The following NLGN4X variants were observed in gnomAD, a reference collection of about 807,000 sequenced individuals.
NLGN4X encodes neuroligin-4, X-linked.
Under a neutral mutation model 40.3 loss-of-function variants are expected in NLGN4X, and 3 were observed. The observed-to-expected ratio is 0.07, with a 90% confidence interval of 0.03 to 0.19. The LOEUF (loss-of-function observed/expected upper bound fraction) is 0.19, where lower values mean the gene tolerates loss of function less well. Ranked by LOEUF, NLGN4X falls within the 10% of genes least tolerant of loss-of-function variation. The probability of loss-of-function intolerance (pLI) is 1.00; values close to 1 mark genes in which losing one functional copy is unlikely to be tolerated. For synonymous variants in NLGN4X, 270 were observed against 306.8 expected (o/e 0.88, Z 1.25); for missense variants, 382 against 708.3 (o/e 0.54, Z 5.23).
At chrX:6,028,881 C>T (rs1330904540) in intron 3 of NLGN4X, among the ~76,000 whole-genome samples, 10 of 111,634 alleles carry the variant, frequency 9.0e-5, no homozygotes, top group African/African-American at 2.9e-4. Context: ...ATCTTTTCCT[C>T]CACACAATAT....
intron 2 of NLGN4X, among the ~76,000 whole-genome samples, chrX:6,107,823 T>G (rs904415767): frequency 8.9e-6 from 1 of 112,148 alleles, no homozygotes; most frequent in Admixed American, 9.5e-5. Context: ...TGTTTTTGAG[T>G]TATTTCACCT....
intron 1 of NLGN4X, among the ~76,000 whole-genome samples, chrX:6,166,759 T>G (rs140149298): frequency 2.2e-3 from 244 of 111,152 alleles, no homozygotes; most frequent in African/African-American, 7.7e-3. Flanking sequence ...TTGGAAGACC[T>G]GCCCTGAGCA....
chrX:5,962,254 A>C (rs2034685852), intron 3 of NLGN4X, among the ~76,000 whole-genome samples: 1 of 112,301 alleles, frequency 8.9e-6, no homozygotes, highest in African/African-American at 3.2e-5. Flanking sequence ...CTGCAGTCTC[A>C]AAACATACTC....
intron 2 of NLGN4X, among the ~76,000 whole-genome samples, chrX:6,114,561 A>C (rs867380972): frequency 1.2e-3 from 117 of 99,215 alleles, no homozygotes; most frequent in African/African-American, 4.1e-3. Context: ...CACACACACA[A>C]ACATGCACAC....
At chrX:6,049,945 T>C (rs1299738745) in intron 2 of NLGN4X, among the ~76,000 whole-genome samples, 1 of 111,195 alleles carries the variant, frequency 9.0e-6, no homozygotes, top group East Asian at 2.8e-4. Context: ...GCTCAGAAAA[T>C]ACTCATGTGC....
At chrX:6,169,140 T>C (rs762690317) in intron 1 of NLGN4X, among the ~76,000 whole-genome samples, 1 of 111,740 alleles carries the variant, frequency 8.9e-6, no homozygotes, top group East Asian at 2.8e-4. Flanking sequence ...AGGGAGCCAG[T>C]AAGTCCTACT....
At chrX:6,218,801 T>C (rs1925333638) in intron 1 of NLGN4X, among the ~76,000 whole-genome samples, 1 of 111,771 alleles carries the variant, frequency 8.9e-6, no homozygotes, top group Non-Finnish European at 1.9e-5. Flanking sequence ...TTGTGGTTAA[T>C]TTGGTTAAAA....
intron 2 of NLGN4X, among the ~76,000 whole-genome samples, chrX:6,101,726 T>C (rs959388758): frequency 9.0e-6 from 1 of 110,596 alleles, no homozygotes; most frequent in Admixed American, 9.7e-5. Context: ...ACAAAAATTA[T>C]AGTCAGAAAG....
chrX:6,163,084 TCCGCCATGTAAG>T (rs1436574043), intron 1 of NLGN4X, among the ~76,000 whole-genome samples: 1 of 111,730 alleles, frequency 9.0e-6, no homozygotes, highest in Non-Finnish European at 1.9e-5. Flanking sequence ...CTTTTTGCCT[TCCGCCATGTAAG>T]ACATGCCTTT....
intron 1 of NLGN4X, among the ~76,000 whole-genome samples, chrX:6,181,885 G>T (rs181369723): frequency 1.8e-5 from 2 of 111,856 alleles, no homozygotes. Flanking sequence ...GGGAAGTAAG[G>T]CATTGAAATT....
At chrX:6,168,237 A>G (rs1234552014) in intron 1 of NLGN4X, among the ~76,000 whole-genome samples, 2 of 111,881 alleles carry the variant, frequency 1.8e-5, no homozygotes, top group Non-Finnish European at 3.8e-5. Flanking sequence ...AGAGGGTGTG[A>G]CTGTCCACAT....
chrX:6,013,989 T>C (rs1271366175), intron 3 of NLGN4X, among the ~76,000 whole-genome samples: 1 of 110,492 alleles, frequency 9.1e-6, no homozygotes, highest in Non-Finnish European at 1.9e-5. Flanking sequence ...AACACCATCC[T>C]GGCCAACATG....
At chrX:6,075,706 C>A (rs905119176) in intron 2 of NLGN4X, among the ~76,000 whole-genome samples, 2 of 111,025 alleles carry the variant, frequency 1.8e-5, no homozygotes, top group Non-Finnish European at 3.8e-5. Context: ...CTCCTTCCCC[C>A]CATTCTCTTG....
At position 6,150,992 on chromosome X, in the gene NLGN4X, C is replaced by T; in HGVS notation, c.472+3G>A. The stretch of plus-strand genomic sequence containing the variant: ...TTGTTTTCTGTTCCAGTGAGGTACT[C>T]ACCATCTTCCGTGGGCACGTAGATG... On this transcript the variant is annotated splice_donor_region_variant and intron_variant, in intron 2 of 5. Coordinates refer to ENST00000381095, the MANE Select transcript of NLGN4X (RefSeq NM_181332.3). 1 of 1,199,586 alleles carries T rather than the reference C, an allele frequency of 8.3e-7. No individual in the cohort carries two copies. Among genetic ancestry groups the T allele is most frequent in the Non-Finnish European group, 1.1e-6 (1 of 883,975 alleles).
At chrX:5,992,610 A>T (rs2035712619) in intron 3 of NLGN4X, among the ~76,000 whole-genome samples, 1 of 111,419 alleles carries the variant, frequency 9.0e-6, no homozygotes, top group African/African-American at 3.3e-5. Context: ...TTAGAAAAAT[A>T]AAAAAGAAAA....
chrX:6,037,909 T>C (rs767471103), intron 2 of NLGN4X, among the ~76,000 whole-genome samples: 118 of 111,859 alleles, frequency 1.1e-3, no homozygotes, highest in African/African-American at 3.5e-3. Context: ...GTGACTGGTA[T>C]GTCCTCACAG....
chrX:6,034,716 T>G (rs1289406760), intron 2 of NLGN4X, among the ~76,000 whole-genome samples: 5 of 2,169 alleles, frequency 2.3e-3, no homozygotes, highest in African/African-American at 4.3e-3. Flanking sequence ...TCATAGGTTT[T>G]TTTTTTTTTT....
In NLGN4X at chrX:6,125,073, ACAGT is replaced by A. The variant is rs766969687; in HGVS notation, c.472+25918_472+25921del. 4.4e-5 allele frequency among the ~76,000 whole-genome samples: 5 copies of A among 112,513 alleles called. No individual in the cohort carries two copies. In the South Asian group the frequency reaches 1.1e-3, roughly 25 times the overall value. On this transcript the variant is annotated intron_variant, in intron 2 of 5. Coordinates refer to ENST00000381095, the MANE Select transcript of NLGN4X (RefSeq NM_181332.3). ...CTTTATGCTACCGTATAAACACAAA[ACAGT>A]CAGAGTCCAGTGATAGTTCAAATGT...
chrX:5,979,865 A>G (rs186189383), intron 3 of NLGN4X, among the ~76,000 whole-genome samples: 1,573 of 105,890 alleles, frequency 0.015, 15 homozygotes, highest in South Asian at 0.042. Context: ...GGTAAATTAT[A>G]TACTATATTG....
Sources: allele counts gnomAD v4.1 joint callset (sites outside exome capture counted in the v4.1 genomes callset), GRCh38; gene constraint gnomAD v4.1.1; transcripts MANE v1.5; gene names NCBI Gene and HGNC (gene_info 2026-07-23, HGNC 2026-07-21).